Variants in RAPGEF1 observed in about 807,000 individuals in gnomAD.
RAPGEF1 encodes Rap guanine nucleotide exchange factor 1.
Under a neutral mutation model 143.3 loss-of-function variants are expected in RAPGEF1, and 33 were observed. The observed-to-expected ratio is 0.23, with a 90% confidence interval of 0.17 to 0.31. The LOEUF (loss-of-function observed/expected upper bound fraction) is 0.31. RAPGEF1 is among the 10% of genes least tolerant of loss of function. The pLI, the probability that RAPGEF1 is intolerant of heterozygous loss-of-function variation, is 1.00. For missense variants in RAPGEF1, 1,199 were observed against 1,645.4 expected, an observed-to-expected ratio of 0.73 and a Z score of 4.69; for synonymous variants, 629 against 676.5, an observed-to-expected ratio of 0.93 and a Z score of 1.09.
rs1952450383 is a variant in RAPGEF1 at position 131,584,821 on chromosome 9, T to C, written c.3234-225A>G. Reference sequence around the variant, plus strand: ...GGAAATCTGGTGACAATAAATCTGGTGACCATAAGGAAATCTGGTGAAGGC... The same window carrying C: ...GGAAATCTGGTGACAATAAATCTGGCGACCATAAGGAAATCTGGTGAAGGC... On this transcript the variant is annotated intron_variant, in intron 22 of 26. Transcript: ENST00000683357. This position sits in a 1 kb window ranked among gnomAD's most constrained non-coding sequence, Gnocchi z 6.8. 6.6e-6 allele frequency among the ~76,000 whole-genome samples: 1 copy of C among 152,184 alleles called. No homozygotes were observed. Among genetic ancestry groups the C allele is most frequent in the South Asian group, 2.1e-4 (1 of 4,830 alleles).
At chr9:131,671,973 G>T (rs1427543571) in intron 1 of RAPGEF1, among the ~76,000 whole-genome samples, 1 of 152,198 alleles carries the variant, frequency 6.6e-6, no homozygotes, top group African/African-American at 2.4e-5. Flanking sequence ...CAACCAACTT[G>T]AAACATGTGA....
chr9:131,616,128 C>G (rs370460569), intron 12 of RAPGEF1, among the ~76,000 whole-genome samples: 12 of 152,008 alleles, frequency 7.9e-5, no homozygotes, highest in African/African-American at 2.9e-4. Flanking sequence ...ATTAGCTGGG[C>G]GTTGTGGAGG....
intron 6 of RAPGEF1, 79 bp downstream of exon 6, chr9:131,630,157 C>T (rs889463669): frequency 1.8e-5 from 24 of 1,317,660 alleles, no homozygotes; most frequent in Non-Finnish European, 2.6e-5. Flanking sequence ...CTGCCCACCC[C>T]ACCGGGCCCT....
Position 131,659,265 on chromosome 9 carries a change from G to A in RAPGEF1, c.62-8316C>T, listed in dbSNP as rs141822814. On this transcript the variant is annotated intron_variant, in intron 1 of 26. Transcript: ENST00000683357. ...TCACTTGTCTAGGATTTTGTGGACCGCAAGGTAAAGATGGAGACAGAGGGC... is the reference window on the plus strand; with the variant it reads ...TCACTTGTCTAGGATTTTGTGGACCACAAGGTAAAGATGGAGACAGAGGGC... 1.8e-3 allele frequency among the ~76,000 whole-genome samples: 269 copies of A among 152,308 alleles called. 7 individuals carry two copies. Among genetic ancestry groups the A allele is most frequent in the Admixed American group, 0.016 (242 of 15,306 alleles).
rs1344071230 is a variant in RAPGEF1, at chr9:131,587,924, G to C, written c.3138+18C>G. 6.2e-7 allele frequency: 1 copy of C among 1,605,624 alleles called. No individual in the cohort carries two copies. Among genetic ancestry groups the C allele is most frequent in the Non-Finnish European group, 8.5e-7 (1 of 1,175,544 alleles). On this transcript the variant is annotated intron_variant, in intron 21 of 26. Transcript: ENST00000683357. ...AGGGACAAACAGTGTGGCTCCCCCT[G>C]GCAGGAGCAGCCTGTACCTCTATTT...
intron 7 of RAPGEF1, 75 bp downstream of exon 7, chr9:131,629,027 G>A: frequency 6.5e-7 from 1 of 1,544,306 alleles, no homozygotes; most frequent in African/African-American, 1.4e-5. Flanking sequence ...GAGGGGAAAG[G>A]GCCCGAGCCC....
chr9:131,612,634 C>T (rs1396991503), intron 12 of RAPGEF1, among the ~76,000 whole-genome samples: 1 of 152,088 alleles, frequency 6.6e-6, no homozygotes, highest in East Asian at 1.9e-4. Context: ...TACGTTATCC[C>T]GAGGGTCGCA....
chr9:131,715,424 G>A (rs1417978001), intron 1 of RAPGEF1, among the ~76,000 whole-genome samples: 2 of 152,002 alleles, frequency 1.3e-5, no homozygotes. Context: ...GGGGAAGGCC[G>A]GGGGTCAGAT....
At chr9:131,580,413 C>T (rs191006203) in intron 25 of RAPGEF1, 22 bp from the exon 26 acceptor site, 8 of 1,609,828 alleles carry the variant, frequency 5.0e-6, no homozygotes, top group Non-Finnish European at 5.1e-6. Flanking sequence ...GGTTAGGCAG[C>T]CTGTTACTGC....
intron 1 of RAPGEF1, among the ~76,000 whole-genome samples, chr9:131,668,640 C>T (rs760146844): frequency 2.0e-4 from 31 of 152,144 alleles, no homozygotes; most frequent in Admixed American, 6.5e-5. Flanking sequence ...CCTGTCCCCA[C>T]GGTGGCCTAC....
Position 131,577,732 on chromosome 9 carries a change from C to A in RAPGEF1, c.*1765G>T, listed in dbSNP as rs1393297417. The A allele has an allele frequency of 6.6e-6, 1 of 152,126 alleles. No homozygotes were observed. The highest frequency in any genetic ancestry group is 1.5e-5 in the Non-Finnish European group (1 of 68,038). The allele number at this position is 152,126 out of a possible 1,614,324, so 9.4% of individuals were successfully genotyped here. A position where few individuals can be genotyped will look rare whatever the true frequency, so the allele number is the denominator to read the frequency against. ...ACACACAATACTGTTAATAAGCCAG[C>A]GACTCTACACACACACTCCTTAAAT... On this transcript the variant is annotated 3_prime_UTR_variant, in exon 27 of 27. Transcript: ENST00000683357.
At chr9:131,701,424 G>A (rs147264030) in intron 1 of RAPGEF1, among the ~76,000 whole-genome samples, 18 of 152,210 alleles carry the variant, frequency 1.2e-4, no homozygotes, top group African/African-American at 4.3e-4. Flanking sequence ...AGAAAAAACC[G>A]ATTTCCAGGA....
intron 12 of RAPGEF1, among the ~76,000 whole-genome samples, chr9:131,611,251 C>T (rs962481761): frequency 6.6e-6 from 1 of 152,186 alleles, no homozygotes; most frequent in African/African-American, 2.4e-5. Context: ...TGGCATTCTT[C>T]TCACCAAAGA....
At position 131,686,953 on chromosome 9, in the gene RAPGEF1, A is replaced by G. The variant is rs150980170; in HGVS notation, c.62-36004T>C. On this transcript the variant is annotated intron_variant, in intron 1 of 26. Transcript: ENST00000683357. ...GTTCTGATGAAATGGAAGATCTAAAATAAGTTGACTGCTGAGGTGTTGAGG... is the reference window on the plus strand; with the variant it reads ...GTTCTGATGAAATGGAAGATCTAAAGTAAGTTGACTGCTGAGGTGTTGAGG... 5.9e-5 allele frequency among the ~76,000 whole-genome samples: 9 copies of G among 152,350 alleles called. No individual in the cohort carries two copies. The East Asian group carries it at 9.6e-4, about 16-fold the overall frequency.
At chr9:131,609,422 C>T (rs147997849) in intron 12 of RAPGEF1, among the ~76,000 whole-genome samples, 40 of 152,250 alleles carry the variant, frequency 2.6e-4, no homozygotes, top group African/African-American at 9.4e-4. Flanking sequence ...GTATCCTGGA[C>T]GAGACAGGCC....
In RAPGEF1 at chr9:131,584,500, G is replaced by A. The variant is rs748251649; in HGVS notation, c.3312+18C>T. 5 of 1,613,846 alleles carry A rather than the reference G, an allele frequency of 3.1e-6. No individual in the cohort carries two copies. The highest frequency in any genetic ancestry group is 4.5e-5 in the East Asian group (2 of 44,884). On this transcript the variant is annotated intron_variant, in intron 23 of 26. Transcript: ENST00000683357. This position sits in a 1 kb window ranked among gnomAD's most constrained non-coding sequence, Gnocchi z 6.8. ...GGGACTGATGATGGGGGCCTGGGAA[G>A]GACTTGGCCACCATTACCTTCATGA...
intron 13 of RAPGEF1, among the ~76,000 whole-genome samples, chr9:131,604,309 G>A (rs61485917): frequency 0.049 from 7,442 of 152,306 alleles, 353 homozygotes; most frequent in East Asian, 0.14. Context: ...CCAGTGTGGC[G>A]GGAAACGATT....
chr9:131,630,357 C>T (rs1437969992), intron 5 of RAPGEF1, 33 bp from the exon 6 acceptor site: 8 of 1,604,464 alleles, frequency 5.0e-6, no homozygotes, highest in Non-Finnish European at 6.8e-6. Context: ...ATGAGCAAAG[C>T]TCCCGTCACC....
rs935638815 is a variant in RAPGEF1 at position 131,667,102 on chromosome 9, G to T, written c.62-16153C>A. 6.6e-6 allele frequency among the ~76,000 whole-genome samples: 1 copy of T among 152,156 alleles called. No individual in the cohort carries two copies. Among genetic ancestry groups the T allele is most frequent in the Non-Finnish European group, 1.5e-5 (1 of 68,026 alleles). On this transcript the variant is annotated intron_variant, in intron 1 of 26. Coordinates refer to ENST00000683357, the MANE Select transcript of RAPGEF1 (RefSeq NM_001377935.1). The surrounding 1 kb of genome is among the most constrained non-coding windows in gnomAD (Gnocchi z 4.6). Reference sequence around the variant, plus strand: ...TCTCACGGGTTCAAGTGATTCTCCTGCCTTGGCCTCCCTAGTAGCTGGGAT... The same window carrying T: ...TCTCACGGGTTCAAGTGATTCTCCTTCCTTGGCCTCCCTAGTAGCTGGGAT...
Sources: gnomAD v4.1 joint callset for allele counts (sites outside exome capture counted in the v4.1 genomes callset) on GRCh38, gnomAD v4.1.1 for gene constraint, Gnocchi (gnomAD v3.1) non-coding constraint, MANE v1.5 for transcripts, NCBI Gene and HGNC (gene_info 2026-07-23, HGNC 2026-07-21) for gene names.